Variants in CLVS1 observed in about 807,000 individuals in gnomAD.
CLVS1 encodes clavesin 1, also known as clavesin-1.
In CLVS1, 10 loss-of-function variants were observed where a neutral mutation model predicts 33.1. The ratio of observed to expected loss-of-function variants is 0.30; its 90% CI spans 0.19 to 0.51. The LOEUF (loss-of-function observed/expected upper bound fraction) is 0.51, where lower values mean the gene tolerates loss of function less well. Ranked by LOEUF, CLVS1 falls within the 20% of genes least tolerant of loss-of-function variation. The pLI, the probability that CLVS1 is intolerant of heterozygous loss-of-function variation, is 0.97. For missense variants in CLVS1, 343 were observed against 433.4 expected (o/e 0.79, Z 1.85); for synonymous variants, 163 against 166.1 (o/e 0.98, Z 0.14).
intron 5 of CLVS1, among the ~76,000 whole-genome samples, chr8:61,490,895 A>C (rs1423516254): frequency 6.6e-6 from 1 of 150,768 alleles, no homozygotes; most frequent in Admixed American, 6.6e-5. Flanking sequence ...TGGAAGGCAG[A>C]GGTTACAGTG....
intron 2 of CLVS1, among the ~76,000 whole-genome samples, chr8:61,191,426 T>G (rs531318700): frequency 2.0e-5 from 3 of 152,212 alleles, no homozygotes; most frequent in African/African-American, 7.2e-5. Context: ...TCATACTGAA[T>G]GGACAAAAAC....
At chr8:61,213,962 T>C (rs2931336) in intron 2 of CLVS1, among the ~76,000 whole-genome samples, 72,183 of 151,936 alleles carry the variant, frequency 0.48, 17,917 homozygotes, top group East Asian at 0.82. Context: ...CCTGGAGATA[T>C]AGGCCTATAA....
At chr8:61,167,951 T>C (rs1806914187) in intron 2 of CLVS1, among the ~76,000 whole-genome samples, 1 of 152,178 alleles carries the variant, frequency 6.6e-6, no homozygotes, top group Non-Finnish European at 1.5e-5. Flanking sequence ...GAAATATCCA[T>C]AAAAACAGGC....
chr8:61,192,238 C>A (rs1245028219), intron 2 of CLVS1, among the ~76,000 whole-genome samples: 1 of 152,206 alleles, frequency 6.6e-6, no homozygotes, highest in African/African-American at 2.4e-5. Flanking sequence ...CTACAACTAT[C>A]TGATCTTTGA....
intron 2 of CLVS1, among the ~76,000 whole-genome samples, chr8:61,148,225 T>C (rs1013217064): frequency 6.6e-6 from 1 of 152,262 alleles, no homozygotes; most frequent in African/African-American, 2.4e-5. Flanking sequence ...TCTCGTAATA[T>C]TGTTAGCTGG....
intron 1 of CLVS1, among the ~76,000 whole-genome samples, chr8:61,290,780 T>C (rs1238552487): frequency 6.6e-6 from 1 of 152,238 alleles, no homozygotes; most frequent in African/African-American, 2.4e-5. Context: ...AATATGAAGC[T>C]TGACTATATG....
chr8:61,488,802 A>G (rs1308391303), intron 5 of CLVS1, among the ~76,000 whole-genome samples: 1 of 152,206 alleles, frequency 6.6e-6, no homozygotes, highest in African/African-American at 2.4e-5. Flanking sequence ...TAAATTAAGC[A>G]GAGTGTCCAG....
At chr8:61,021,147 T>C in the CLVS1 span, among the ~76,000 whole-genome samples, 1 of 152,200 alleles carries the variant, frequency 6.6e-6, no homozygotes, top group African/African-American at 2.4e-5. Context: ...TTCAAGAGCC[T>C]GCAATATAAA....
At chr8:61,067,539 A>G (rs1804705390) in intron 1 of CLVS1, among the ~76,000 whole-genome samples, 1 of 151,370 alleles carries the variant, frequency 6.6e-6, no homozygotes, top group Non-Finnish European at 1.5e-5. Flanking sequence ...GAGCACAAGC[A>G]AAAAATCCAC....
Position 61,299,965 on chromosome 8 carries a change from C to T in CLVS1, c.138C>T (p.Pro46=), listed in dbSNP as rs749033608. The T allele has an allele frequency of 5.6e-6, 9 of 1,613,806 alleles. No homozygotes were observed. Among genetic ancestry groups the T allele is most frequent in the Admixed American group, 1.7e-5 (1 of 59,946 alleles). ...CTCGCCTGGAACTGAATGAAAACCC[C>T]GATGTTTTACATCAGGATATTCAGC... ...EKARLELNEN[P]DVLHQDIQQV... The change falls in exon 2 of 6, where the codon CCC becomes CCT. Residue 46 remains proline, a synonymous_variant. Coordinates refer to ENST00000325897, the MANE Select transcript of CLVS1 (RefSeq NM_173519.3).
chr8:61,409,919 T>C (rs1458737411), intron 3 of CLVS1, among the ~76,000 whole-genome samples: 2 of 152,172 alleles, frequency 1.3e-5, no homozygotes, highest in Non-Finnish European at 2.9e-5. Flanking sequence ...AATTTGTAGT[T>C]TTTGTTTTGC....
At chr8:61,224,016 T>C (rs891088614) in intron 2 of CLVS1, among the ~76,000 whole-genome samples, 1 of 152,134 alleles carries the variant, frequency 6.6e-6, no homozygotes, top group Non-Finnish European at 1.5e-5. Context: ...TTCAGCTCCA[T>C]TAGGTCATTT....
intron 3 of CLVS1, among the ~76,000 whole-genome samples, chr8:61,406,012 G>A (rs796581394): frequency 9.9e-5 from 15 of 152,260 alleles, no homozygotes; most frequent in African/African-American, 3.4e-4. Context: ...ACTTTAAGGT[G>A]CCTGACATGT....
At chr8:61,072,843 G>T (rs1287858530) in intron 1 of CLVS1, among the ~76,000 whole-genome samples, 1 of 152,130 alleles carries the variant, frequency 6.6e-6, no homozygotes, top group Non-Finnish European at 1.5e-5. Flanking sequence ...TTGCCTTTAG[G>T]TTAAATATCT....
chr8:61,323,994 T>A (rs1041292687), intron 2 of CLVS1, among the ~76,000 whole-genome samples: 6 of 152,212 alleles, frequency 3.9e-5, no homozygotes, highest in Admixed American at 2.6e-4. Context: ...TGTGGCTGAA[T>A]AGTATTCCAC....
chr8:61,489,743 A>G (rs10109585), intron 5 of CLVS1, among the ~76,000 whole-genome samples: 83,135 of 152,044 alleles, frequency 0.55, 26,473 homozygotes, highest in Non-Finnish European at 0.71. Flanking sequence ...TATTGAAATC[A>G]TCTTTTCCAA....
intron 2 of CLVS1, among the ~76,000 whole-genome samples, chr8:61,213,645 G>A (rs1189252367): frequency 6.6e-6 from 1 of 151,980 alleles, no homozygotes; most frequent in South Asian, 2.1e-4. Flanking sequence ...TCCTACACCC[G>A]TCTTTACTTT....
At chr8:61,318,895 G>GT (rs1291855326) in intron 2 of CLVS1, among the ~76,000 whole-genome samples, 1 of 152,092 alleles carries the variant, frequency 6.6e-6, no homozygotes, top group Non-Finnish European at 1.5e-5. Context: ...ACAGGCATGA[G>GT]TACCTGTACC....
chr8:61,208,228 C>A (rs2129306666), intron 2 of CLVS1, among the ~76,000 whole-genome samples: 1 of 152,278 alleles, frequency 6.6e-6, no homozygotes, highest in South Asian at 2.1e-4. Context: ...ATTAGTTTCA[C>A]AAAATGATAG....
Sources: allele counts gnomAD v4.1 joint callset (sites outside exome capture counted in the v4.1 genomes callset), GRCh38; gene constraint gnomAD v4.1.1; transcripts MANE v1.5; gene names NCBI Gene and HGNC (gene_info 2026-07-23, HGNC 2026-07-21).